SPMIP5: variants seen among roughly 807,000 people sequenced by gnomAD.
SPMIP5 encodes sperm microtubule inner protein 5, also known as sperm-associated microtubule inner protein 5.
At chr10:116,664,118 A>G in the SPMIP5 span, 4 of 1,613,826 alleles carry the variant, frequency 2.5e-6, no homozygotes, top group South Asian at 3.3e-5. Flanking sequence ...GCCACTGCAA[A>G]CATTTCATCC....
chr10:116,666,071 G>A, the SPMIP5 span, among the ~76,000 whole-genome samples: 7 of 152,366 alleles, frequency 4.6e-5, no homozygotes, highest in African/African-American at 1.7e-4. Context: ...CAAAGGCGAT[G>A]ACAGTAATAC....
the SPMIP5 span, among the ~76,000 whole-genome samples, chr10:116,668,792 G>A: frequency 6.6e-6 from 1 of 152,032 alleles, no homozygotes; most frequent in Admixed American, 6.6e-5. Context: ...TTGCAGTGGT[G>A]ATTTTTGCCA....
At chr10:116,665,073 C>T in the SPMIP5 span, 1 of 1,460,132 alleles carries the variant, frequency 6.8e-7, no homozygotes, top group Non-Finnish European at 9.0e-7. Flanking sequence ...ACCCTCTTCC[C>T]TAACCAGGAC....
At chr10:116,664,316 GAATAGAATAATAATA>G in the SPMIP5 span, 1 of 1,303,868 alleles carries the variant, frequency 7.7e-7, no homozygotes, top group East Asian at 2.5e-5. Context: ...CTTTTATTAA[GAATAGAATAATAATA>G]AATAGAATAA....
the SPMIP5 span, chr10:116,663,626 C>A: frequency 3.0e-6 from 1 of 334,714 alleles, no homozygotes; most frequent in Admixed American, 4.6e-5. Flanking sequence ...TGCAGTGTTA[C>A]CTCGGGGGTT....
At chr10:116,664,991 T>G in the SPMIP5 span, 2 of 1,574,900 alleles carry the variant, frequency 1.3e-6, no homozygotes, top group South Asian at 2.4e-5. Flanking sequence ...CTAAAAAATG[T>G]TTTCCACTGA....
chr10:116,669,140 C>T, the SPMIP5 span, among the ~76,000 whole-genome samples: 3 of 152,134 alleles, frequency 2.0e-5, no homozygotes, highest in Non-Finnish European at 4.4e-5. Flanking sequence ...CTTTGGGTAT[C>T]GCTGGTCATT....
At chr10:116,663,629 C>T in the SPMIP5 span, 4 of 341,898 alleles carry the variant, frequency 1.2e-5, no homozygotes, top group Middle Eastern at 9.1e-4. Flanking sequence ...AGTGTTACCT[C>T]GGGGGTTAGG....
chr10:116,663,681 C>T, the SPMIP5 span: 12 of 513,432 alleles, frequency 2.3e-5, no homozygotes, highest in South Asian at 3.2e-4. Flanking sequence ...AAAACCCGCA[C>T]AAGAAACTTT....
At chr10:116,664,302 G>A in the SPMIP5 span, 16 of 1,461,100 alleles carry the variant, frequency 1.1e-5, 1 homozygote, top group Non-Finnish European at 1.5e-5. Context: ...ACAAAGTTAT[G>A]GACCTTTTAT....
chr10:116,665,404 CAAAA>C, the SPMIP5 span: 1,154 of 284,430 alleles, frequency 4.1e-3, no homozygotes, highest in South Asian at 5.6e-3. Context: ...GACTCCGTCT[CAAAA>C]AAAAAAAAAA....
chr10:116,665,500 G>C, the SPMIP5 span: 24 of 936,472 alleles, frequency 2.6e-5, no homozygotes, highest in Middle Eastern at 2.8e-4. Flanking sequence ...TGACCCCTGG[G>C]ATTTGGAACG....
At chr10:116,665,919 T>C in the SPMIP5 span, 1 of 1,112,376 alleles carries the variant, frequency 9.0e-7, no homozygotes, top group Non-Finnish European at 1.3e-6. Context: ...CAGCCCACCC[T>C]TTGGCATTTC....
the SPMIP5 span, chr10:116,664,436 G>A: frequency 1.3e-6 from 1 of 797,736 alleles, no homozygotes; most frequent in Non-Finnish European, 1.9e-6. Context: ...TCATTTCGCA[G>A]AAGAGAAAGC....
chr10:116,663,788 A>AGTTAAAAAATTCTT, the SPMIP5 span: 7 of 1,167,172 alleles, frequency 6.0e-6, no homozygotes, highest in East Asian at 1.8e-4. Context: ...TGCAGGCGGC[A>AGTTAAAAAATTCTT]GTTAAAAAAT....
the SPMIP5 span, among the ~76,000 whole-genome samples, chr10:116,666,021 A>C: frequency 6.6e-6 from 1 of 152,346 alleles, no homozygotes; most frequent in East Asian, 1.9e-4. Flanking sequence ...CAAGGCCACA[A>C]AAAATGACCT....
At chr10:116,667,987 T>C in the SPMIP5 span, among the ~76,000 whole-genome samples, 2,017 of 152,354 alleles carry the variant, frequency 0.013, 43 homozygotes, top group African/African-American at 0.046. Context: ...TCACATTGTG[T>C]CTATCCTGGT....
chr10:116,664,676 T>A, the SPMIP5 span: 5 of 1,551,088 alleles, frequency 3.2e-6, no homozygotes, highest in Non-Finnish European at 4.3e-6. Flanking sequence ...AGTGCTGGGA[T>A]GGGGACATCT....
chr10:116,668,933 G>GCATGCACACACACA, the SPMIP5 span, among the ~76,000 whole-genome samples: 1 of 135,282 alleles, frequency 7.4e-6, no homozygotes, highest in African/African-American at 2.9e-5. Context: ...GCACACACAT[G>GCATGCACACACACA]CACACACACA....
Sources: allele counts gnomAD v4.1 joint callset (sites outside exome capture counted in the v4.1 genomes callset), GRCh38; gene constraint gnomAD v4.1.1; transcripts MANE v1.5; gene names NCBI Gene and HGNC (gene_info 2026-07-23, HGNC 2026-07-21).